Variants in POLR2F observed in about 807,000 individuals in gnomAD.
The protein encoded by POLR2F is DNA-directed RNA polymerases I, II, and III subunit RPABC2.
Under a neutral mutation model 22.7 loss-of-function variants are expected in POLR2F, and 12 were observed. The observed-to-expected ratio is 0.53, with a 90% CI of 0.34 to 0.86. POLR2F has a LOEUF of 0.86. Among genes scored for constraint, POLR2F ranks in the 40% least tolerant of loss-of-function variants. POLR2F has a pLI of 0.02. For missense variants in POLR2F, 126 were observed against 171.5 expected (o/e 0.73, Z 1.48); for synonymous variants, 57 against 66.0 (o/e 0.86, Z 0.66).
exon 2 of POLR2F, chr22:38,025,889 C>T (rs985204068): frequency 1.2e-6 from 1 of 842,054 alleles, no homozygotes. Context: ...GTCTCTTCTC[C>T]CTCCTGTCTT....
At chr22:37,961,081 C>T (rs1458118603) in intron 3 of POLR2F, among the ~76,000 whole-genome samples, 3 of 151,890 alleles carry the variant, frequency 2.0e-5, no homozygotes, top group African/African-American at 7.3e-5. Context: ...CATCTCCTGA[C>T]CTTGTGATCC....
chr22:37,972,093 G>A (rs1342841493), downstream of POLR2F: 5 of 328,194 alleles, frequency 1.5e-5, no homozygotes, highest in Admixed American at 8.2e-5. Context: ...GGGGGAGGGG[G>A]GAGAGAGAGA....
At position 37,968,695 on chromosome 22, in the gene POLR2F, A is replaced by G. The variant is rs1429377912; in HGVS notation, c.*980A>G. The G allele has an allele frequency of 2.0e-6, 2 of 985,336 alleles. No individual in the cohort carries two copies. Among genetic ancestry groups the G allele is most frequent in the African/African-American group, 3.5e-5 (2 of 57,236 alleles). The allele number at this position is 985,336 out of a possible 1,614,324, so 61.0% of individuals were successfully genotyped here. ...ATTGACATGAACAGGGATAGAGGGT[A>G]AACTGGCTCCCTGAATATGCCAGCC... On this transcript the variant is annotated 3_prime_UTR_variant, in exon 5 of 5. Coordinates refer to ENST00000442738, the MANE Select transcript of POLR2F (RefSeq NM_021974.5).
chr22:37,961,907 G>C (rs966556745), intron 3 of POLR2F, among the ~76,000 whole-genome samples: 11 of 152,158 alleles, frequency 7.2e-5, no homozygotes, highest in African/African-American at 2.4e-4. Flanking sequence ...AGCGGGGGTA[G>C]TTCAAGTAGG....
rs532686347 is a variant in POLR2F at position 37,977,469 on chromosome 22, C to T, written c.293+10299C>T. Among the ~76,000 whole-genome samples, 172 of 151,988 alleles carry T rather than the reference C, an allele frequency of 1.1e-3. No individual in the cohort carries two copies. Among genetic ancestry groups the T allele is most frequent in the African/African-American group, 3.7e-3 (154 of 41,498 alleles). On this transcript the variant is annotated intron_variant, in intron 4 of 4. Transcript: ENST00000405557. Reference sequence around the variant, plus strand: ...CTGAGTAGCTGGGACTACAGGTGCTCGCCACCACGCCCAGCTAATTTTTTT... The same window carrying T: ...CTGAGTAGCTGGGACTACAGGTGCTTGCCACCACGCCCAGCTAATTTTTTT...
chr22:37,963,530 C>T (rs1202591816), intron 3 of POLR2F, among the ~76,000 whole-genome samples: 2 of 152,124 alleles, frequency 1.3e-5, no homozygotes, highest in African/African-American at 2.4e-5. Flanking sequence ...GCTTCAGCCT[C>T]CAAAGTGCTG....
chr22:37,973,475 T>A, downstream of POLR2F: 1 of 1,458,024 alleles, frequency 6.9e-7, no homozygotes, highest in Non-Finnish European at 9.3e-7. Context: ...GGGCGGGGGG[T>A]GGTGGCGACA....
At chr22:38,027,356 C>G (rs377073058), downstream of POLR2F, among the ~76,000 whole-genome samples, 4 of 152,002 alleles carry the variant, frequency 2.6e-5, no homozygotes, top group South Asian at 6.2e-4. Flanking sequence ...GGTGTAGAGG[C>G]GTGAAATGGA....
intron 4 of POLR2F, among the ~76,000 whole-genome samples, chr22:37,975,568 A>T (rs560724405): frequency 1.3e-5 from 2 of 152,278 alleles, no homozygotes; most frequent in Middle Eastern, 3.4e-3. Flanking sequence ...GAGACAGAAC[A>T]TGTCCATGGT....
chr22:38,010,899 G>A (rs1011410072), intron 1 of POLR2F, among the ~76,000 whole-genome samples: 1 of 152,168 alleles, frequency 6.6e-6, no homozygotes, highest in Non-Finnish European at 1.5e-5. Flanking sequence ...TAACAGGCGT[G>A]AGCCACTGCA....
chr22:37,969,054 C>T lies in POLR2F; in HGVS notation c.*1339C>T. ...AGAGTGCGGGGGTCACTTTCTCGGC[C>T]CCATTTCTCTAAATGGTCTCTTTGT... is the stretch of plus-strand genomic sequence containing the variant. On this transcript the variant is annotated 3_prime_UTR_variant, in exon 5 of 5. Coordinates refer to ENST00000442738, the MANE Select transcript of POLR2F (RefSeq NM_021974.5). The T allele has an allele frequency of 1.0e-6, 1 of 985,434 alleles. No homozygotes were observed. The highest frequency in any genetic ancestry group is 1.2e-6 in the Non-Finnish European group (1 of 829,968). 61.0% of individuals were successfully genotyped at this position (985,434 alleles called of 1,614,324 possible).
At chr22:37,960,843 T>A (rs1931607753) in intron 3 of POLR2F, among the ~76,000 whole-genome samples, 1 of 103,530 alleles carries the variant, frequency 9.7e-6, no homozygotes, top group South Asian at 3.2e-4. Flanking sequence ...GGTGCAATTT[T>A]CTTTTTTCTT....
At chr22:37,995,125 C>G (rs953106857) in intron 1 of POLR2F, among the ~76,000 whole-genome samples, 4 of 152,232 alleles carry the variant, frequency 2.6e-5, no homozygotes, top group African/African-American at 9.6e-5. Flanking sequence ...GCCACCCTCT[C>G]TGGCACATTC....
chr22:37,975,069 T>A (rs1303124733), intron 4 of POLR2F, among the ~76,000 whole-genome samples: 1 of 152,248 alleles, frequency 6.6e-6, no homozygotes, highest in East Asian at 1.9e-4. Context: ...TTGAGCTGCC[T>A]TCCTCCATGG....
rs565752149 is a variant in POLR2F at position 38,004,506 on chromosome 22, G to A, written c.120+18194G>A. On this transcript the variant is annotated intron_variant, in intron 1 of 2. Transcript: ENST00000333418. ...GCATATCTACTCGCTGAGTTCTCAT[G>A]ACTGCCAGAATGGAGCAAGAGATGG... is the stretch of plus-strand genomic sequence containing the variant. Among the ~76,000 whole-genome samples, 82 of 152,274 alleles carry A rather than the reference G, an allele frequency of 5.4e-4. 3 individuals carry two copies. The South Asian group carries it at 0.011, about 20-fold the overall frequency.
upstream of POLR2F, chr22:37,984,568 C>G (rs961626312): frequency 2.8e-5 from 4 of 142,002 alleles, no homozygotes; most frequent in Admixed American, 2.8e-4. This position sits in a 1 kb window ranked among gnomAD's most constrained non-coding sequence, Gnocchi z 4.4. Context: ...GCCTGAGCCG[C>G]TGCGGAGGGC....
intron 1 of POLR2F, among the ~76,000 whole-genome samples, chr22:37,993,758 G>A (rs565541035): frequency 5.9e-5 from 9 of 152,186 alleles, no homozygotes; most frequent in Non-Finnish European, 1.3e-4. Flanking sequence ...GGGAGGCCGA[G>A]GCAGGTGGAT....
At chr22:37,966,278 A>C (rs1051150198) in intron 3 of POLR2F, among the ~76,000 whole-genome samples, 4 of 152,124 alleles carry the variant, frequency 2.6e-5, no homozygotes, top group Non-Finnish European at 5.9e-5. Context: ...GTATGGCTGG[A>C]ATGTGGAGTA....
chr22:37,960,950 G>C (rs1046614350), intron 3 of POLR2F, among the ~76,000 whole-genome samples: 1 of 149,978 alleles, frequency 6.7e-6, no homozygotes, highest in Non-Finnish European at 1.5e-5. Flanking sequence ...CTAGGATCAC[G>C]CCATTCTCCT....
Sources: allele counts gnomAD v4.1 joint callset (sites outside exome capture counted in the v4.1 genomes callset), GRCh38; gene constraint gnomAD v4.1.1; non-coding constraint Gnocchi (gnomAD v3.1); transcripts MANE v1.5; gene names NCBI Gene and HGNC (gene_info 2026-07-23, HGNC 2026-07-21).